Variants in COL6A3 observed in about 807,000 individuals in gnomAD.
COL6A3 encodes collagen type VI alpha 3 chain, also known as collagen alpha-3(VI) chain.
Under a neutral mutation model 274.1 loss-of-function variants are expected in COL6A3, and 137 were observed. That is an observed-to-expected ratio of 0.50 (90% CI 0.44 to 0.58). The LOEUF (loss-of-function observed/expected upper bound fraction) is 0.58, where lower values mean the gene tolerates loss of function less well. Ranked by LOEUF, COL6A3 falls within the 20% of genes least tolerant of loss-of-function variation. The probability of loss-of-function intolerance (pLI) is 0.00; values close to 1 mark genes in which losing one functional copy is unlikely to be tolerated. For synonymous variants in COL6A3, 1,650 were observed against 1,650.6 expected (o/e 1.00, Z 0.01); for missense variants, 3,950 against 4,124.9 (o/e 0.96, Z 1.16).
At chr2:237,348,696 G>T (rs1021513919) in intron 28 of COL6A3, 33 bp from the exon 29 acceptor site, 1 of 1,601,178 alleles carries the variant, frequency 6.2e-7, no homozygotes. Context: ...ACTGTAGGTC[G>T]CCATGCCTGG....
In COL6A3 at chr2:237,393,339, A is replaced by G. The variant is rs924105240; in HGVS notation, c.709+1248T>C. Among the ~76,000 whole-genome samples, 7 of 152,138 alleles carry G rather than the reference A, an allele frequency of 4.6e-5. No homozygotes were observed. The South Asian group carries it at 6.2e-4, about 14-fold the overall frequency. On this transcript the variant is annotated intron_variant, in intron 3 of 43. Coordinates refer to ENST00000295550, the MANE Select transcript of COL6A3 (RefSeq NM_004369.4). The stretch of plus-strand genomic sequence containing the variant: ...TGAATGTTTTGTGACCCCTCTTCAC[A>G]TCCCTATAGCAGCTGATCAAAAATA...
At chr2:237,348,492 C>A in intron 29 of COL6A3, 108 bp from the exon 30 acceptor site, 1 of 1,333,724 alleles carries the variant, frequency 7.5e-7, no homozygotes, top group Non-Finnish European at 1.1e-6. Flanking sequence ...AACGAAAACA[C>A]TCACTCAAAT....
intron 37 of COL6A3, 21 bp from the exon 38 acceptor site, chr2:237,341,171 C>T: frequency 6.2e-7 from 1 of 1,609,554 alleles, no homozygotes; most frequent in Non-Finnish European, 8.5e-7. Context: ...GCATGGCAGC[C>T]TATTTGTTCT....
In COL6A3 at chr2:237,334,651, G is replaced by T. The variant is rs770772278; in HGVS notation, c.9204C>A (p.Ala3068=). The part of the protein sequence containing the change: ...VVCYLRSQVR[A]TYHGSFSTKK... ...TTGTACTGAAACTTCCGTGGTAGGT[G>T]GCTCTGACCTGAGACCTCAGGTAGC... Residue 3068 remains alanine (A), a synonymous_variant, in exon 41 of 44, where the codon GCC becomes GCA. Coordinates refer to ENST00000295550, the MANE Select transcript of COL6A3 (RefSeq NM_004369.4). The T allele has an allele frequency of 6.2e-7, 1 of 1,613,576 alleles. No individual in the cohort carries two copies. The highest frequency in any genetic ancestry group is 1.1e-5 in the South Asian group (1 of 91,032).
intron 28 of COL6A3, among the ~76,000 whole-genome samples, chr2:237,349,802 T>A (rs1233725089): frequency 6.6e-6 from 1 of 152,200 alleles, no homozygotes; most frequent in Non-Finnish European, 1.5e-5. Context: ...CAAATGACAT[T>A]TACTTCTTTG....
chr2:237,367,580 G>A (rs184655246), intron 10 of COL6A3, among the ~76,000 whole-genome samples: 50 of 152,200 alleles, frequency 3.3e-4, no homozygotes, highest in Non-Finnish European at 6.9e-4. Flanking sequence ...GTTATCCCGT[G>A]CAAAATGGCA....
At chr2:237,336,577 T>C in intron 39 of COL6A3, 45 bp from the exon 40 acceptor site, 1 of 1,593,184 alleles carries the variant, frequency 6.3e-7, no homozygotes, top group Non-Finnish European at 8.6e-7. Flanking sequence ...ACCTGCTATC[T>C]AAAATAAATA....
At chr2:237,385,285 G>T (rs2078116616) in intron 4 of COL6A3, among the ~76,000 whole-genome samples, 1 of 152,198 alleles carries the variant, frequency 6.6e-6, no homozygotes, top group Admixed American at 6.5e-5. Context: ...TCTGGCACAT[G>T]CCAGATAGTC....
intron 24 of COL6A3, among the ~76,000 whole-genome samples, chr2:237,354,147 A>G (rs2646256): frequency 0.82 from 123,679 of 151,704 alleles, 50,721 homozygotes; most frequent in African/African-American, 0.91. Context: ...GAGTAGCTGG[A>G]ATTACAAGCT....
chr2:237,360,129 T>C lies in COL6A3; in HGVS notation c.6241A>G (p.Thr2081Ala). ...GERGPPGVNGTQGFQGCPGQR... is the reference protein window; with the variant it reads ...GERGPPGVNGAQGFQGCPGQR... ...CCCGGGCAGCCCTGGAAACCTTGAG[T>C]GCCGTTCACACCAGGCGGACCACGC... Residue 2081 changes from threonine to alanine, a missense_variant, in exon 17 of 44, where the codon ACT becomes GCT. Physicochemically the swap from Thr to Ala is moderately conservative, Grantham distance 58. This residue lies in a region of COL6A3 where 92 missense variants were observed against 143.4 expected (regional missense o/e 0.64). Transcript: ENST00000295550. 3 of 1,614,042 alleles carry C rather than the reference T, an allele frequency of 1.9e-6. No individual in the cohort carries two copies. The highest frequency in any genetic ancestry group is 2.5e-6 in the Non-Finnish European group (3 of 1,180,012).
chr2:237,408,873 T>C (rs760560046), intron 1 of COL6A3, among the ~76,000 whole-genome samples: 8 of 152,202 alleles, frequency 5.3e-5, no homozygotes, highest in Non-Finnish European at 1.0e-4. Flanking sequence ...ATTTGTTTTT[T>C]TCTTCTCTCC....
chr2:237,400,791 A>G (rs988642195), intron 1 of COL6A3, among the ~76,000 whole-genome samples: 3 of 152,196 alleles, frequency 2.0e-5, no homozygotes, highest in African/African-American at 7.2e-5. Flanking sequence ...AAAGAAAAAT[A>G]CAGACCAATA....
chr2:237,331,600 C>A (rs561121198), intron 42 of COL6A3, among the ~76,000 whole-genome samples: 1 of 152,004 alleles, frequency 6.6e-6, no homozygotes, highest in Non-Finnish European at 1.5e-5. Flanking sequence ...CTCAAAAATG[C>A]CATAACTGTG....
intron 18 of COL6A3, 47 bp downstream of exon 18, chr2:237,359,315 A>T: frequency 6.2e-7 from 1 of 1,614,184 alleles, no homozygotes; most frequent in East Asian, 2.2e-5. Context: ...GAAATGAGAA[A>T]TACTGGGAGA....
Position 237,344,541 on chromosome 2 carries a change from A to G in COL6A3, c.7477T>C (p.Phe2493Leu), listed in dbSNP as rs756868798. The change falls in exon 36 of 44, where the codon TTT becomes CTT. Residue 2493 changes from phenylalanine to leucine, a missense_variant. Physicochemically the swap from Phe to Leu is conservative, Grantham distance 22 (BLOSUM62 0). Around this residue, in one of 5 missense-constraint regions of COL6A3, gnomAD observed 1,284 missense variants for 1,349.7 expected, o/e 0.95. Coordinates refer to ENST00000295550, the MANE Select transcript of COL6A3 (RefSeq NM_004369.4). The surrounding 1 kb of genome is among the most constrained non-coding windows in gnomAD (Gnocchi z 4.8). ...KQQSLETAMSFVARNTFKRVR... is the reference protein window; with the variant it reads ...KQQSLETAMSLVARNTFKRVR... ...CGCTTAAATGTGTTCCTGGCCACAA[A>G]CGACATGGCAGTCTCCAGACTCTGC... 1.9e-6 allele frequency: 3 copies of G among 1,614,026 alleles called. No individual in the cohort carries two copies. Among genetic ancestry groups the G allele is most frequent in the Admixed American group, 1.7e-5 (1 of 60,010 alleles).
chr2:237,342,519 T>C, intron 36 of COL6A3: 1 of 272,588 alleles, frequency 3.7e-6, no homozygotes, highest in Non-Finnish European at 7.2e-6. Context: ...CTTAATCTTA[T>C]CGTTATTTTT....
rs3748777 is a variant in COL6A3 at position 237,394,495 on chromosome 2, G to A, written c.709+92C>T. 4.0e-4 allele frequency: 624 copies of A among 1,543,294 alleles called. 3 individuals carry two copies. In the East Asian group the frequency reaches 0.013, roughly 31 times the overall value. On this transcript the variant is annotated intron_variant, in intron 3 of 43. Transcript: ENST00000295550. ...CACTCATCTCTTCCCTGGCCCACCC[G>A]CCATCCTAGCTGTTGCTTTAAGGCC...
In COL6A3 at chr2:237,361,613, A is replaced by G; in HGVS notation, c.6156+126T>C. ...GCCCCTCAGAGCTCCTCCTTCTAAC[A>G]TAAGAAATGGTCTCTCGTCTCCTCC... is the stretch of plus-strand genomic sequence containing the variant. On this transcript the variant is annotated intron_variant, in intron 15 of 43. Transcript: ENST00000295550. The surrounding 1 kb of genome is among the most constrained non-coding windows in gnomAD (Gnocchi z 5.1). 1.1e-6 allele frequency: 1 copy of G among 937,800 alleles called. No individual in the cohort carries two copies. Among genetic ancestry groups the G allele is most frequent in the Admixed American group, 1.7e-5 (1 of 57,272 alleles). 58.1% of individuals were successfully genotyped at this position (937,800 alleles called of 1,614,324 possible).
At chr2:237,401,214 A>C (rs1037447469) in intron 1 of COL6A3, among the ~76,000 whole-genome samples, 1 of 152,240 alleles carries the variant, frequency 6.6e-6, no homozygotes, top group African/African-American at 2.4e-5. Flanking sequence ...CAGAATTATC[A>C]TATAATTCAT....
Sources: gnomAD v4.1 joint callset for allele counts (sites outside exome capture counted in the v4.1 genomes callset) on GRCh38, gnomAD v4.1.1 for gene constraint, gnomAD v4.1.1 regional missense constraint, Gnocchi (gnomAD v3.1) non-coding constraint, MANE v1.5 for transcripts, NCBI Gene and HGNC (gene_info 2026-07-23, HGNC 2026-07-21) for gene names.